The following GPC3 variants were observed in gnomAD, a reference collection of about 807,000 sequenced individuals.
GPC3 encodes glypican-3.
A neutral mutation model predicts 34.4 loss-of-function variants in GPC3; 3 were observed. The ratio of observed to expected loss-of-function variants is 0.09; its 90% CI spans 0.04 to 0.23. The LOEUF (loss-of-function observed/expected upper bound fraction) is 0.23. GPC3 is among the 10% of genes least tolerant of loss of function. GPC3 has a pLI of 1.00. For missense variants in GPC3, 351 were observed against 445.6 expected, an observed-to-expected ratio of 0.79 and a Z score of 1.91; for synonymous variants, 177 against 174.0, an observed-to-expected ratio of 1.02 and a Z score of -0.13.
intron 5 of GPC3, among the ~76,000 whole-genome samples, chrX:133,681,149 G>C (rs2070938933): frequency 9.0e-6 from 1 of 111,581 alleles, no homozygotes; most frequent in African/African-American, 3.3e-5. Flanking sequence ...CCATTTTTGA[G>C]AGACTAACTG....
chrX:133,809,294 T>C (rs1211283283), intron 2 of GPC3, among the ~76,000 whole-genome samples: 2 of 112,457 alleles, frequency 1.8e-5, no homozygotes, highest in East Asian at 5.6e-4. Context: ...TTTAAATCAT[T>C]TGTTAAAATT....
chrX:133,543,554 C>T (rs1214585904), intron 7 of GPC3, among the ~76,000 whole-genome samples: 2 of 112,760 alleles, frequency 1.8e-5, no homozygotes, highest in African/African-American at 6.4e-5. Context: ...TCTTATGGCT[C>T]ATTCCAGCTT....
chrX:133,613,419 G>A, intron 6 of GPC3, among the ~76,000 whole-genome samples: 1 of 111,823 alleles, frequency 8.9e-6, no homozygotes, highest in Non-Finnish European at 1.9e-5. Flanking sequence ...ATGGCAGCAG[G>A]CTAAATGTAA....
chrX:133,897,957 C>T (rs1310143692), intron 2 of GPC3, among the ~76,000 whole-genome samples: 1 of 111,712 alleles, frequency 9.0e-6, no homozygotes, highest in African/African-American at 3.3e-5. Context: ...TTGGTCAGCT[C>T]AGTGGGAAAT....
rs761608250 is a variant in GPC3 at position 133,684,258 on chromosome X, TA to T, written c.1292+8110del. The stretch of plus-strand genomic sequence containing the variant: ...GTAGAAATGAAATCCAAAAATGTCT[TA>T]GGGGGACCAGGAACTGTGGAGATAG... On this transcript the variant is annotated intron_variant, in intron 5 of 7. Coordinates refer to ENST00000370818, the MANE Select transcript of GPC3 (RefSeq NM_004484.4). Among the ~76,000 whole-genome samples, 7 of 112,180 alleles carry T rather than the reference TA, an allele frequency of 6.2e-5. No homozygotes were observed. The East Asian group carries it at 1.7e-3, about 27-fold the overall frequency.
intron 2 of GPC3, among the ~76,000 whole-genome samples, chrX:133,952,350 G>A (rs754946509): frequency 4.7e-4 from 53 of 111,677 alleles, no homozygotes; most frequent in African/African-American, 1.7e-3. Context: ...AGAGCACCTA[G>A]CACATGGTGC....
intron 7 of GPC3, among the ~76,000 whole-genome samples, chrX:133,566,093 A>G (rs1166557141): frequency 1.8e-5 from 2 of 112,439 alleles, no homozygotes; most frequent in African/African-American, 6.5e-5. Context: ...TTTCTAAATA[A>G]AGCAGTCAGG....
At chrX:133,759,682 G>A (rs1215057415) in intron 2 of GPC3, among the ~76,000 whole-genome samples, 1 of 111,786 alleles carries the variant, frequency 8.9e-6, no homozygotes, top group African/African-American at 3.2e-5. Flanking sequence ...GGGAGTTCTT[G>A]GTGACTGACC....
chrX:133,780,714 C>G (rs902294961), intron 2 of GPC3, among the ~76,000 whole-genome samples: 9 of 111,808 alleles, frequency 8.0e-5, no homozygotes, highest in Non-Finnish European at 1.5e-4. Flanking sequence ...GAAGCAGGCT[C>G]TATTGCTAGT....
At chrX:133,549,758 T>C (rs1355627306) in intron 7 of GPC3, among the ~76,000 whole-genome samples, 1 of 93,654 alleles carries the variant, frequency 1.1e-5, no homozygotes, top group Non-Finnish European at 2.1e-5. Flanking sequence ...CCTCTCTCTC[T>C]CTTTACCTTC....
chrX:133,922,048 CT>C (rs1212969235), intron 2 of GPC3, among the ~76,000 whole-genome samples: 5 of 112,593 alleles, frequency 4.4e-5, no homozygotes, highest in Non-Finnish European at 9.4e-5. Flanking sequence ...TCTGCCCCAT[CT>C]GGAACAGGAA....
At chrX:133,746,176 C>G (rs1466146256) in intron 3 of GPC3, among the ~76,000 whole-genome samples, 3 of 112,114 alleles carry the variant, frequency 2.7e-5, no homozygotes, top group African/African-American at 6.5e-5. Flanking sequence ...ATGCCATTAA[C>G]TAACATCGAT....
chrX:133,918,295 A>G (rs1440731921), intron 2 of GPC3, among the ~76,000 whole-genome samples: 1 of 112,138 alleles, frequency 8.9e-6, no homozygotes, highest in Admixed American at 9.5e-5. Context: ...AAATTGCCAA[A>G]TTGATTTTGC....
chrX:133,814,356 C>A (rs946734507), intron 2 of GPC3, among the ~76,000 whole-genome samples: 2 of 110,823 alleles, frequency 1.8e-5, no homozygotes, highest in African/African-American at 6.6e-5. Context: ...GAAATAGTTC[C>A]CCACCCTGGA....
chrX:133,546,577 A>C (rs1329305962), intron 7 of GPC3, among the ~76,000 whole-genome samples: 3 of 111,510 alleles, frequency 2.7e-5, no homozygotes, highest in African/African-American at 6.5e-5. Flanking sequence ...TTACAGCTTA[A>C]AAGTTACAGA....
intron 3 of GPC3, among the ~76,000 whole-genome samples, chrX:133,712,108 A>T (rs1333978249): frequency 1.8e-5 from 2 of 112,214 alleles, no homozygotes; most frequent in African/African-American, 6.5e-5. Flanking sequence ...AGAATGGATG[A>T]TTGGCTTTGA....
Position 133,754,022 on chromosome X carries a change from A to G in GPC3, c.492T>C (p.Asp164=). Residue 164 remains aspartate (D), a synonymous_variant, in exon 3 of 8, where the codon GAT becomes GAC. Coordinates refer to ENST00000370818, the MANE Select transcript of GPC3 (RefSeq NM_004484.4). ...LYILGSDINV[D]DMVNELFDSL... ...TGTCAAACAATTCATTGACCATGTCATCTACATTGATGTCAGAACCCAAGA... is the reference window on the plus strand; with the variant it reads ...TGTCAAACAATTCATTGACCATGTCGTCTACATTGATGTCAGAACCCAAGA... 1 of 1,210,428 alleles carries G rather than the reference A, an allele frequency of 8.3e-7. No homozygotes were observed. The highest frequency in any genetic ancestry group is 1.1e-6 in the Non-Finnish European group (1 of 894,343).
chrX:133,738,517 G>T (rs1313985280), intron 3 of GPC3, among the ~76,000 whole-genome samples: 1 of 111,847 alleles, frequency 8.9e-6, no homozygotes, highest in Non-Finnish European at 1.9e-5. Context: ...TTATCCCAAA[G>T]ATTTGTAATA....
chrX:133,948,468 C>A (rs1242094623), intron 2 of GPC3, among the ~76,000 whole-genome samples: 2 of 111,138 alleles, frequency 1.8e-5, no homozygotes, highest in African/African-American at 6.5e-5. Flanking sequence ...TTCATCTCCA[C>A]AGAAAGCAGG....
Sources: gnomAD v4.1 joint callset for allele counts (sites outside exome capture counted in the v4.1 genomes callset) on GRCh38, gnomAD v4.1.1 for gene constraint, MANE v1.5 for transcripts, NCBI Gene and HGNC (gene_info 2026-07-23, HGNC 2026-07-21) for gene names.